The following DAPP1 variants were observed in gnomAD, a reference collection of about 807,000 sequenced individuals.
DAPP1 encodes the protein dual adaptor of phosphotyrosine and 3-phosphoinositides 1.
A neutral mutation model predicts 41.5 loss-of-function variants in DAPP1; 20 were observed. The observed-to-expected ratio is 0.48, with a 90% CI of 0.34 to 0.70. The LOEUF (loss-of-function observed/expected upper bound fraction) is 0.70. Ranked by LOEUF, DAPP1 falls within the 30% of genes least tolerant of loss-of-function variation. The pLI, the probability that DAPP1 is intolerant of heterozygous loss-of-function variation, is 0.01. For missense variants in DAPP1, 233 were observed against 333.4 expected (o/e 0.70, Z 2.35); for synonymous variants, 113 against 116.2 (o/e 0.97, Z 0.18).
rs1722632271 is a variant in DAPP1 at position 99,817,575 on chromosome 4, T to C, written c.101+561T>C. Among the ~76,000 whole-genome samples the C allele has an allele frequency of 2.0e-5, 3 of 152,208 alleles. 1 individual carries two copies. The South Asian group carries it at 6.2e-4, about 32-fold the overall frequency. On this transcript the variant is annotated intron_variant, in intron 1 of 8. Coordinates refer to ENST00000512369, the MANE Select transcript of DAPP1 (RefSeq NM_014395.3). The stretch of plus-strand genomic sequence containing the variant: ...CGTATGTATGTCCAGAGAGCCAACT[T>C]TGAGCCTTTCAGTACCAACAATCCA...
At chr4:99,830,600 T>C (rs1024201603) in intron 1 of DAPP1, among the ~76,000 whole-genome samples, 20 of 152,198 alleles carry the variant, frequency 1.3e-4, no homozygotes, top group African/African-American at 4.1e-4. Context: ...TCACTCACTT[T>C]GAATTCTCAC....
At position 99,870,001 on chromosome 4, in the gene DAPP1, T is replaced by C. The variant is rs1053051765; in HGVS notation, c.*1816T>C. On this transcript the variant is annotated 3_prime_UTR_variant, in exon 9 of 9. Coordinates refer to ENST00000512369, the MANE Select transcript of DAPP1 (RefSeq NM_014395.3). Reference sequence around the variant, plus strand: ...AATGAATACTCACGGATATGTATAGTTTTATGTTTGTTTTCTTAGAAACAA... The same window carrying C: ...AATGAATACTCACGGATATGTATAGCTTTATGTTTGTTTTCTTAGAAACAA... The C allele has an allele frequency of 5.3e-5, 8 of 152,046 alleles. No individual in the cohort carries two copies. The highest frequency in any genetic ancestry group is 1.0e-4 in the Non-Finnish European group (7 of 67,996). 9.4% of individuals were successfully genotyped at this position (152,046 alleles called of 1,614,324 possible). A position where few individuals can be genotyped will look rare whatever the true frequency, so the allele number is the denominator to read the frequency against.
chr4:99,837,128 C>G (rs1200720911), intron 2 of DAPP1, among the ~76,000 whole-genome samples: 1 of 152,216 alleles, frequency 6.6e-6, no homozygotes. Flanking sequence ...CTTCTGTGAG[C>G]AGCCAGAGAA....
At chr4:99,837,649 G>T (rs1188628275) in intron 2 of DAPP1, among the ~76,000 whole-genome samples, 1 of 152,182 alleles carries the variant, frequency 6.6e-6, no homozygotes, top group Non-Finnish European at 1.5e-5. Flanking sequence ...CACATCAGAG[G>T]TCCTCAACCT....
intron 1 of DAPP1, among the ~76,000 whole-genome samples, chr4:99,834,662 C>T (rs1232189871): frequency 6.6e-6 from 1 of 152,058 alleles, no homozygotes; most frequent in East Asian, 1.9e-4. Flanking sequence ...TGGTCAAAGC[C>T]TATTCTTATG....
chr4:99,853,907 C>T (rs1377580169), intron 4 of DAPP1, among the ~76,000 whole-genome samples: 2 of 152,202 alleles, frequency 1.3e-5, no homozygotes, highest in Non-Finnish European at 2.9e-5. Flanking sequence ...GTTAACCAAA[C>T]AACTTCAAAG....
chr4:99,818,574 G>A (rs1277955203), intron 1 of DAPP1, among the ~76,000 whole-genome samples: 2 of 152,126 alleles, frequency 1.3e-5, no homozygotes, highest in African/African-American at 2.4e-5. Context: ...CCACCATGAT[G>A]TCAACAGCAA....
intron 3 of DAPP1, among the ~76,000 whole-genome samples, chr4:99,846,004 C>T (rs907840425): frequency 2.0e-5 from 3 of 151,978 alleles, no homozygotes; most frequent in Non-Finnish European, 1.5e-5. Flanking sequence ...TGAAGCTTCT[C>T]GATGTTTTTT....
At chr4:99,835,498 G>A (rs1723268896) in intron 1 of DAPP1, 125 bp from the exon 2 acceptor site, 1 of 1,387,710 alleles carries the variant, frequency 7.2e-7, no homozygotes, top group Non-Finnish European at 9.8e-7. Context: ...TTGGGGCTGA[G>A]AGCTGGGTCT....
chr4:99,868,831 A>G lies in DAPP1; in HGVS notation c.*646A>G, dbSNP rs956457446. On this transcript the variant is annotated 3_prime_UTR_variant, in exon 9 of 9. Coordinates refer to ENST00000512369, the MANE Select transcript of DAPP1 (RefSeq NM_014395.3). ...CAAAACTGTGAGAGCTAGATGTCCTATGGGCAATTAGGTAGTATAATAAAG... is the reference window on the plus strand; with the variant it reads ...CAAAACTGTGAGAGCTAGATGTCCTGTGGGCAATTAGGTAGTATAATAAAG... 2.6e-5 allele frequency: 4 copies of G among 152,132 alleles called. No homozygotes were observed. The highest frequency in any genetic ancestry group is 4.4e-5 in the Non-Finnish European group (3 of 68,048). The allele number at this position is 152,132 out of a possible 1,614,324, so 9.4% of individuals were successfully genotyped here. A position where few individuals can be genotyped will look rare whatever the true frequency, so the allele number is the denominator to read the frequency against.
intron 5 of DAPP1, among the ~76,000 whole-genome samples, 194 bp downstream of exon 5, chr4:99,861,819 T>G (rs1160316026): frequency 6.6e-6 from 1 of 152,242 alleles, no homozygotes; most frequent in Non-Finnish European, 1.5e-5. Context: ...ACTTGACTGT[T>G]CTTTGACAAA....
chr4:99,862,658 T>C (rs571906741), intron 5 of DAPP1, among the ~76,000 whole-genome samples: 4 of 152,170 alleles, frequency 2.6e-5, no homozygotes, highest in African/African-American at 9.7e-5. Context: ...ATAAGTCACA[T>C]TGAATATTTA....
intron 1 of DAPP1, among the ~76,000 whole-genome samples, chr4:99,834,426 T>C (rs1486639033): frequency 3.3e-5 from 5 of 152,168 alleles, no homozygotes; most frequent in Non-Finnish European, 5.9e-5. Flanking sequence ...ATATTACCTT[T>C]TCTAAAACAC....
chr4:99,868,214 C>G lies in DAPP1; in HGVS notation c.*29C>G. On this transcript the variant is annotated 3_prime_UTR_variant, in exon 9 of 9. Transcript: ENST00000512369. ...TTTCTTGCCAAGGAATGCTCTGGCC[C>G]AGGAGCAAGGTGGAATGTTTCCCTG... 6.3e-7 allele frequency: 1 copy of G among 1,590,870 alleles called. No individual in the cohort carries two copies. Among genetic ancestry groups the G allele is most frequent in the Non-Finnish European group, 8.6e-7 (1 of 1,159,080 alleles).
chr4:99,870,454 C>A (rs1469225693), downstream of DAPP1, among the ~76,000 whole-genome samples: 2 of 151,992 alleles, frequency 1.3e-5, no homozygotes, highest in African/African-American at 4.8e-5. Flanking sequence ...GCAGGGGATA[C>A]AACAATTTGT....
At chr4:99,839,377 CTAT>C (rs1723417493) in intron 2 of DAPP1, among the ~76,000 whole-genome samples, 1 of 122,066 alleles carries the variant, frequency 8.2e-6, no homozygotes, top group Non-Finnish European at 1.8e-5. Flanking sequence ...ATATAGATAT[CTAT>C]AGATATATAT....
At chr4:99,842,618 G>A (rs1223225235) in intron 3 of DAPP1, among the ~76,000 whole-genome samples, 1 of 152,210 alleles carries the variant, frequency 6.6e-6, no homozygotes, top group African/African-American at 2.4e-5. Flanking sequence ...TGGGAAACAA[G>A]ATAATGTGCT....
In DAPP1 at chr4:99,816,831, T is replaced by C. The variant is rs1168368771; in HGVS notation, c.-83T>C. On this transcript the variant is annotated 5_prime_UTR_variant, in exon 1 of 9. Coordinates refer to ENST00000512369, the MANE Select transcript of DAPP1 (RefSeq NM_014395.3). ...TCCTTGCCTTGGAGACTCAGAGCCA[T>C]AGCAGGCTGCTGTCTCACAGAGCGA... 3 of 1,249,178 alleles carry C rather than the reference T, an allele frequency of 2.4e-6. No homozygotes were observed. The highest frequency in any genetic ancestry group is 1.5e-5 in the African/African-American group (1 of 66,442). The allele number at this position is 1,249,178 out of a possible 1,614,324, so 77.4% of individuals were successfully genotyped here.
intron 3 of DAPP1, among the ~76,000 whole-genome samples, chr4:99,849,605 G>A (rs1166595172): frequency 1.3e-5 from 2 of 152,124 alleles, no homozygotes; most frequent in East Asian, 3.9e-4. Flanking sequence ...AACTGGCCCC[G>A]GTGGCTATTT....
Sources: allele counts gnomAD v4.1 joint callset (sites outside exome capture counted in the v4.1 genomes callset), GRCh38; gene constraint gnomAD v4.1.1; transcripts MANE v1.5; gene names NCBI Gene and HGNC (gene_info 2026-07-23, HGNC 2026-07-21).